Variants in KCNIP1 observed in about 807,000 individuals in gnomAD.
The protein encoded by KCNIP1 is A-type potassium channel modulatory protein KCNIP1.
Under a neutral mutation model 33.0 loss-of-function variants are expected in KCNIP1, and 18 were observed. That is an observed-to-expected ratio of 0.55 (90% CI 0.38 to 0.81). KCNIP1 has a LOEUF of 0.81. KCNIP1 is among the 30% of genes least tolerant of loss of function. The probability of loss-of-function intolerance (pLI) is 0.00; values close to 1 mark genes in which losing one functional copy is unlikely to be tolerated. For synonymous variants in KCNIP1, 93 were observed against 98.3 expected (o/e 0.95, Z 0.32); for missense variants, 238 against 271.6 (o/e 0.88, Z 0.87).
chr5:170,498,899 G>A (rs961133227), intron 1 of KCNIP1, among the ~76,000 whole-genome samples: 1 of 152,128 alleles, frequency 6.6e-6, no homozygotes, highest in African/African-American at 2.4e-5. Flanking sequence ...ATGGGACTGG[G>A]TTCATATGAG....
intron 1 of KCNIP1, among the ~76,000 whole-genome samples, chr5:170,578,214 A>G (rs1757670888): frequency 6.6e-6 from 1 of 152,250 alleles, no homozygotes; most frequent in Non-Finnish European, 1.5e-5. Context: ...AATCTAGTAG[A>G]CAGTAGCAGA....
intron 1 of KCNIP1, among the ~76,000 whole-genome samples, chr5:170,449,662 A>T (rs1756199195): frequency 6.6e-6 from 1 of 152,232 alleles, no homozygotes; most frequent in Non-Finnish European, 1.5e-5. Flanking sequence ...CCACATAAGG[A>T]ACTTAGAACA....
intron 1 of KCNIP1, among the ~76,000 whole-genome samples, chr5:170,497,825 G>A (rs760534006): frequency 2.6e-5 from 4 of 152,168 alleles, no homozygotes; most frequent in Admixed American, 6.5e-5. Flanking sequence ...GGGCTTTACC[G>A]CCAGTGTCCC....
chr5:170,355,714 G>T (rs1763328951), intron 1 of KCNIP1, among the ~76,000 whole-genome samples: 1 of 152,202 alleles, frequency 6.6e-6, no homozygotes, highest in African/African-American at 2.4e-5. Flanking sequence ...TCAGAGTGTT[G>T]GCCTCTGCAA....
chr5:170,355,630 G>A (rs1763326846), intron 1 of KCNIP1, among the ~76,000 whole-genome samples: 1 of 152,210 alleles, frequency 6.6e-6, no homozygotes, highest in Non-Finnish European at 1.5e-5. Flanking sequence ...TCCAAACAGT[G>A]ACATCTAAGC....
intron 5 of KCNIP1, among the ~76,000 whole-genome samples, chr5:170,731,944 A>C (rs934582269): frequency 6.6e-6 from 1 of 151,768 alleles, no homozygotes; most frequent in Non-Finnish European, 1.5e-5. Flanking sequence ...AGTTTAGTTA[A>C]TAATAGTGAA....
intron 1 of KCNIP1, among the ~76,000 whole-genome samples, chr5:170,713,252 T>C (rs1158081602): frequency 6.6e-6 from 1 of 152,260 alleles, no homozygotes; most frequent in Non-Finnish European, 1.5e-5. Flanking sequence ...GTTTTTCTTA[T>C]TACTTTATCT....
intron 1 of KCNIP1, among the ~76,000 whole-genome samples, chr5:170,428,072 G>C (rs1170398321): frequency 6.6e-6 from 1 of 152,166 alleles, no homozygotes; most frequent in Non-Finnish European, 1.5e-5. Flanking sequence ...CTGCCCACCT[G>C]TTTCCTTCCA....
chr5:170,385,135 G>T (rs934960174), intron 1 of KCNIP1, among the ~76,000 whole-genome samples: 2 of 152,186 alleles, frequency 1.3e-5, no homozygotes, highest in African/African-American at 2.4e-5. Context: ...GACCAGTGGG[G>T]CTCAGTTCAT....
rs572391194 is a variant in KCNIP1, at chr5:170,395,057, G to A, written c.88+41093G>A. Reference sequence around the variant, plus strand: ...TATTGTGAATAGTGCGGCAATAAATGTACAAGTGCAGGTCTCTTTATGGTA... The same window carrying A: ...TATTGTGAATAGTGCGGCAATAAATATACAAGTGCAGGTCTCTTTATGGTA... On this transcript the variant is annotated intron_variant, in intron 1 of 7. Coordinates refer to the KCNIP1 transcript ENST00000377360. Among the ~76,000 whole-genome samples, 3 of 152,308 alleles carry A rather than the reference G, an allele frequency of 2.0e-5. No individual in the cohort carries two copies. The South Asian group carries it at 6.2e-4, about 32-fold the overall frequency.
chr5:170,581,946 A>G (rs1757809753), intron 1 of KCNIP1, among the ~76,000 whole-genome samples: 1 of 152,210 alleles, frequency 6.6e-6, no homozygotes. Flanking sequence ...AAAGGAAGCA[A>G]GGGAGAGGGG....
At chr5:170,576,735 C>T (rs1757618039) in intron 1 of KCNIP1, among the ~76,000 whole-genome samples, 1 of 152,184 alleles carries the variant, frequency 6.6e-6, no homozygotes, top group Non-Finnish European at 1.5e-5. Context: ...TGGTACCTGT[C>T]ACAAAGTACA....
intron 1 of KCNIP1, among the ~76,000 whole-genome samples, chr5:170,414,679 T>C (rs1198484721): frequency 6.6e-6 from 1 of 152,264 alleles, no homozygotes; most frequent in Admixed American, 6.5e-5. Flanking sequence ...ACTCTATTAA[T>C]GCTAGATGTT....
At chr5:170,681,176 C>G (rs1397483769) in intron 1 of KCNIP1, 1 of 399,014 alleles carries the variant, frequency 2.5e-6, no homozygotes, top group Admixed American at 4.4e-5. Flanking sequence ...ACTTGTCAGA[C>G]GGTAAGCGAA....
intron 3 of KCNIP1, among the ~76,000 whole-genome samples, chr5:170,721,305 A>G (rs1308864505): frequency 6.6e-6 from 1 of 152,188 alleles, no homozygotes; most frequent in East Asian, 1.9e-4. Context: ...CTGTTTATTG[A>G]GTTCTCACTG....
chr5:170,672,023 A>C (rs1462396410), intron 1 of KCNIP1, among the ~76,000 whole-genome samples: 1 of 152,228 alleles, frequency 6.6e-6, no homozygotes, highest in Non-Finnish European at 1.5e-5. Flanking sequence ...TCTATTCCTC[A>C]CTGGAGGCTT....
At chr5:170,526,270 C>T (rs78193328) in intron 1 of KCNIP1, among the ~76,000 whole-genome samples, 1,812 of 152,280 alleles carry the variant, frequency 0.012, 35 homozygotes, top group East Asian at 0.046. Context: ...CAGTGCCTGG[C>T]TCCTACTACA....
intron 1 of KCNIP1, among the ~76,000 whole-genome samples, chr5:170,462,661 C>T (rs1756530611): frequency 1.3e-5 from 2 of 152,042 alleles, no homozygotes; most frequent in East Asian, 1.9e-4. Flanking sequence ...AGTCATTATA[C>T]GAAAAAGATA....
At chr5:170,385,350 A>T (rs754427970) in intron 1 of KCNIP1, 1 of 1,613,930 alleles carries the variant, frequency 6.2e-7, no homozygotes, top group Non-Finnish European at 8.5e-7. Flanking sequence ...CGTGACCAGG[A>T]TGTAGTAGGT....
Sources: allele counts gnomAD v4.1 joint callset (sites outside exome capture counted in the v4.1 genomes callset), GRCh38; gene constraint gnomAD v4.1.1; transcripts MANE v1.5; gene names NCBI Gene and HGNC (gene_info 2026-07-23, HGNC 2026-07-21).